Variants in CEP120 observed in about 807,000 individuals in gnomAD.
CEP120 encodes the protein centrosomal protein 120.
CEP120 carries 113 observed loss-of-function variants against 126.5 expected under a neutral mutation model. That is an observed-to-expected ratio of 0.89 (90% confidence interval 0.77 to 1.04). The LOEUF (loss-of-function observed/expected upper bound fraction) is 1.04. Ranked by LOEUF, CEP120 falls within the 50% of genes least tolerant of loss-of-function variation. The pLI is 0.00. For synonymous variants in CEP120, 400 were observed against 394.3 expected (o/e 1.01, Z -0.17); for missense variants, 1,230 against 1,155.7 (o/e 1.06, Z -0.93).
chr5:123,376,607 C>A (rs1403587427), intron 16 of CEP120, among the ~76,000 whole-genome samples: 2 of 151,996 alleles, frequency 1.3e-5, no homozygotes, highest in East Asian at 3.9e-4. Flanking sequence ...GGGCCCATCA[C>A]TGAAACAAAG....
At chr5:123,404,299 C>G (rs6880221) in intron 4 of CEP120, among the ~76,000 whole-genome samples, 28,630 of 152,236 alleles carry the variant, frequency 0.19, 3,146 homozygotes, top group Middle Eastern at 0.25. Flanking sequence ...GACTTCACTA[C>G]GTACAATGTA....
At chr5:123,395,178 T>C (rs796789743) in intron 5 of CEP120, among the ~76,000 whole-genome samples, 8 of 152,368 alleles carry the variant, frequency 5.3e-5, no homozygotes, top group African/African-American at 1.9e-4. Context: ...ATTCCCATTA[T>C]GGGAAGAAAT....
intron 17 of CEP120, among the ~76,000 whole-genome samples, chr5:123,369,551 G>A (rs1034987771): frequency 5.3e-5 from 8 of 151,826 alleles, no homozygotes; most frequent in African/African-American, 1.2e-4. Flanking sequence ...GATGGCCTTC[G>A]TCCTCAACCT....
chr5:123,391,408 T>C (rs1772390918), intron 6 of CEP120, 71 bp from the exon 7 acceptor site: 1 of 1,196,324 alleles, frequency 8.4e-7, no homozygotes, highest in Non-Finnish European at 1.2e-6. Context: ...ATAAACTTAA[T>C]AAGAAGTTGT....
In CEP120 at chr5:123,364,579, TTC is replaced by T; in HGVS notation, c.2495_2496del (p.Arg832LysfsTer7). 1 of 1,603,652 alleles carries T rather than the reference TTC, an allele frequency of 6.2e-7. No homozygotes were observed. Among genetic ancestry groups the T allele is most frequent in the Non-Finnish European group, 8.5e-7 (1 of 1,173,098 alleles). Reference protein sequence around the residue: ...LLTLEKVELERKLESATKSKL... With the variant: ...LLTLEKVELEXKLESATKSKL... ...TTAGACTTAGTTGCAGATTCCAACTTTCTTTCAAGTTCAACCTAACAGTGATT... is the reference window on the plus strand; with the variant it reads ...TTAGACTTAGTTGCAGATTCCAACTTTTTCAAGTTCAACCTAACAGTGATT... On this transcript the variant is annotated frameshift_variant, in exon 18 of 20. Coordinates refer to ENST00000306467, the MANE Select transcript of CEP120 (RefSeq NM_001375405.1). LOFTEE classifies it high-confidence loss of function.
rs1048261878 is a variant in CEP120, at chr5:123,423,122, C to G, written c.-124G>C. The G allele has an allele frequency of 7.7e-6, 6 of 781,782 alleles. No homozygotes were observed. The highest frequency in any genetic ancestry group is 2.6e-5 in the East Asian group (1 of 38,504). The allele number at this position is 781,782 out of a possible 1,614,324, so 48.4% of individuals were successfully genotyped here. On this transcript the variant is annotated 5_prime_UTR_variant, in exon 1 of 20. Coordinates refer to ENST00000306467, the MANE Select transcript of CEP120 (RefSeq NM_001375405.1). Reference sequence around the variant, plus strand: ...CGCCCCCGGTCCCTGATGCCCGGACCCCGCTCCGCAGCCAGGTCCCACCGC... The same window carrying G: ...CGCCCCCGGTCCCTGATGCCCGGACGCCGCTCCGCAGCCAGGTCCCACCGC...
At chr5:123,384,346 T>C (rs1430983175) in intron 11 of CEP120, among the ~76,000 whole-genome samples, 2 of 152,106 alleles carry the variant, frequency 1.3e-5, no homozygotes, top group Non-Finnish European at 1.5e-5. Flanking sequence ...TATATAATGT[T>C]AAGTTAAATT....
Position 123,412,448 on chromosome 5 carries a change from T to C in CEP120, c.414A>G (p.Pro138=). The change falls in exon 4 of 20, where the codon CCA becomes CCG. Residue 138 remains proline (P), a synonymous_variant. Transcript: ENST00000306467. Reference sequence around the variant, plus strand: ...CCTTTGCTTTAAAGCTATCCACTGGTGGCTTTGTATCGGTTTCCAAAGCAA... The same window carrying C: ...CCTTTGCTTTAAAGCTATCCACTGGCGGCTTTGTATCGGTTTCCAAAGCAA... ...ISIALETDTK[P]PVDSFKAKGA... 1.2e-6 allele frequency: 2 copies of C among 1,612,192 alleles called. No homozygotes were observed.
intron 18 of CEP120, among the ~76,000 whole-genome samples, chr5:123,361,952 A>G (rs146196017): frequency 2.1e-3 from 324 of 151,754 alleles, no homozygotes; most frequent in Admixed American, 3.5e-3. Context: ...CCAAAATTCA[A>G]CCTAGCTCTC....
chr5:123,346,468 A>T lies in CEP120; in HGVS notation c.*51T>A. On this transcript the variant is annotated 3_prime_UTR_variant, in exon 20 of 20. Coordinates refer to ENST00000306467, the MANE Select transcript of CEP120 (RefSeq NM_001375405.1). Reference sequence around the variant, plus strand: ...TTTCCTCACTTTTGAGGTTTTTACAAAGAAATTAAAATTTAGACTTAGAGT... The same window carrying T: ...TTTCCTCACTTTTGAGGTTTTTACATAGAAATTAAAATTTAGACTTAGAGT... 1 of 1,384,464 alleles carries T rather than the reference A, an allele frequency of 7.2e-7. No individual in the cohort carries two copies. The highest frequency in any genetic ancestry group is 2.3e-5 in the Admixed American group (1 of 44,034). The allele number at this position is 1,384,464 out of a possible 1,614,324, so 85.8% of individuals were successfully genotyped here.
intron 16 of CEP120, among the ~76,000 whole-genome samples, chr5:123,376,566 T>C (rs546147864): frequency 1.3e-5 from 2 of 152,190 alleles, no homozygotes; most frequent in African/African-American, 4.8e-5. Context: ...AAAAATATCA[T>C]TCTGGCTACA....
intron 15 of CEP120, among the ~76,000 whole-genome samples, chr5:123,377,882 G>C (rs527850911): frequency 5.3e-5 from 8 of 151,868 alleles, no homozygotes; most frequent in African/African-American, 1.5e-4. Flanking sequence ...TTGCCTAATC[G>C]CATAGAATAC....
At chr5:123,363,138 T>A (rs1185263562) in intron 18 of CEP120, among the ~76,000 whole-genome samples, 3 of 151,666 alleles carry the variant, frequency 2.0e-5, no homozygotes, top group Non-Finnish European at 4.4e-5. Context: ...ATGATCATTC[T>A]GTTCATTATA....
At chr5:123,371,832 A>G (rs955617059) in intron 17 of CEP120, among the ~76,000 whole-genome samples, 1 of 152,132 alleles carries the variant, frequency 6.6e-6, no homozygotes, top group Non-Finnish European at 1.5e-5. Context: ...CTGAGTAGGA[A>G]AAGATGGGAA....
chr5:123,348,021 C>T (rs182338715), intron 19 of CEP120, among the ~76,000 whole-genome samples: 4 of 152,212 alleles, frequency 2.6e-5, no homozygotes, highest in African/African-American at 9.6e-5. Flanking sequence ...GGTGATTTAC[C>T]AGTACTGAAT....
At chr5:123,422,432 T>TC (rs1774777868) in intron 1 of CEP120, 4 of 1,299,324 alleles carry the variant, frequency 3.1e-6, no homozygotes, top group Non-Finnish European at 4.3e-6. Context: ...ACTCAATGAG[T>TC]CCCAATAAAC....
At position 123,422,936 on chromosome 5, in the gene CEP120, C is replaced by T. The variant is rs749425932; in HGVS notation, c.49+14G>A. 3.7e-6 allele frequency: 6 copies of T among 1,613,732 alleles called. No individual in the cohort carries two copies. The East Asian group carries it at 1.3e-4, about 36-fold the overall frequency. ...GGAGGCAGCAGTTGCAAAAGCAAGC[C>T]TCAGGCTGCTCACCTTCTAGGATGG... On this transcript the variant is annotated intron_variant, in intron 1 of 19. Coordinates refer to ENST00000306467, the MANE Select transcript of CEP120 (RefSeq NM_001375405.1).
At chr5:123,372,581 C>T (rs1770924780) in intron 17 of CEP120, 69 bp downstream of exon 17, 5 of 1,402,796 alleles carry the variant, frequency 3.6e-6, no homozygotes, top group Non-Finnish European at 5.0e-6. Flanking sequence ...ATATTGTATA[C>T]ACATTATTGA....
intron 5 of CEP120, among the ~76,000 whole-genome samples, chr5:123,398,777 G>C (rs1772974048): frequency 6.6e-6 from 1 of 152,142 alleles, no homozygotes; most frequent in South Asian, 2.1e-4. Context: ...TTAAGTATTA[G>C]TGGCAGAAAG....
Sources: gnomAD v4.1 joint callset for allele counts (sites outside exome capture counted in the v4.1 genomes callset) on GRCh38, gnomAD v4.1.1 for gene constraint, MANE v1.5 for transcripts, NCBI Gene and HGNC (gene_info 2026-07-23, HGNC 2026-07-21) for gene names.